The following NRG3 variants were observed in gnomAD, a reference collection of about 807,000 sequenced individuals.
NRG3 encodes the protein pro-neuregulin-3, membrane-bound isoform.
Under a neutral mutation model 66.9 loss-of-function variants are expected in NRG3, and 31 were observed. The ratio of observed to expected loss-of-function variants is 0.46; its 90% CI spans 0.35 to 0.63. The LOEUF is 0.63. NRG3 is among the 20% of genes least tolerant of loss of function. The pLI, the probability that NRG3 is intolerant of heterozygous loss-of-function variation, is 0.00. For synonymous variants in NRG3, 393 were observed against 359.4 expected, an observed-to-expected ratio of 1.09 and a Z score of -1.06; for missense variants, 910 against 878.9, an observed-to-expected ratio of 1.04 and a Z score of -0.45.
chr10:82,934,408 G>A (rs1462420491), intron 4 of NRG3, among the ~76,000 whole-genome samples: 1 of 152,170 alleles, frequency 6.6e-6, no homozygotes, highest in African/African-American at 2.4e-5. Context: ...ATCACCTTGT[G>A]GGTCATGTAT....
intron 2 of NRG3, among the ~76,000 whole-genome samples, chr10:82,446,701 G>A (rs2090747203): frequency 6.6e-6 from 1 of 152,126 alleles, no homozygotes; most frequent in Admixed American, 6.5e-5. Flanking sequence ...CTTAATTCCT[G>A]GGTGATGGGC....
intron 2 of NRG3, among the ~76,000 whole-genome samples, chr10:82,593,021 C>A (rs1045013648): frequency 1.1e-4 from 17 of 152,172 alleles, no homozygotes; most frequent in African/African-American, 3.9e-4. Flanking sequence ...ACAATCAAAT[C>A]TCAATTTCCT....
chr10:82,651,213 T>A (rs542996047), intron 2 of NRG3, among the ~76,000 whole-genome samples: 39 of 152,108 alleles, frequency 2.6e-4, no homozygotes, highest in African/African-American at 8.9e-4. Flanking sequence ...GTAGTGGGAG[T>A]CGAGAACAGG....
chr10:82,812,115 T>G (rs987806129), intron 3 of NRG3, among the ~76,000 whole-genome samples: 7 of 152,188 alleles, frequency 4.6e-5, no homozygotes, highest in African/African-American at 1.7e-4. Flanking sequence ...TTCTCAAATG[T>G]TAATATGTAT....
At chr10:82,470,099 G>A (rs1841104784) in intron 2 of NRG3, among the ~76,000 whole-genome samples, 1 of 152,154 alleles carries the variant, frequency 6.6e-6, no homozygotes. Flanking sequence ...TTTATAACCT[G>A]TTTCTGAGAT....
intron 1 of NRG3, among the ~76,000 whole-genome samples, chr10:82,006,686 A>G (rs1007950854): frequency 6.6e-6 from 1 of 151,956 alleles, no homozygotes; most frequent in Admixed American, 6.6e-5. Flanking sequence ...TGCACCATGT[A>G]TTGGATAGTC....
chr10:82,160,370 C>A (rs74144180), intron 1 of NRG3, among the ~76,000 whole-genome samples: 2,844 of 151,994 alleles, frequency 0.019, 88 homozygotes, highest in African/African-American at 0.064. Context: ...AAACAGCAAA[C>A]AGATTTTAAA....
intron 1 of NRG3, among the ~76,000 whole-genome samples, chr10:82,328,395 A>C (rs765489805): frequency 6.6e-6 from 1 of 152,348 alleles, no homozygotes; most frequent in Non-Finnish European, 1.5e-5. Flanking sequence ...ACACATGATA[A>C]TAGTACATAT....
chr10:82,630,796 T>A (rs552131199), intron 2 of NRG3, among the ~76,000 whole-genome samples: 1 of 152,340 alleles, frequency 6.6e-6, no homozygotes, highest in South Asian at 2.1e-4. Flanking sequence ...TTAATGGCTA[T>A]GTAATATTCC....
At chr10:81,935,940 A>G (rs892606541) in intron 1 of NRG3, among the ~76,000 whole-genome samples, 10 of 150,138 alleles carry the variant, frequency 6.7e-5, no homozygotes, top group Non-Finnish European at 1.5e-5. Context: ...CCTGTGTTAA[A>G]ATGGTTAAAA....
At chr10:82,931,931 A>AG (rs1847617055) in intron 4 of NRG3, among the ~76,000 whole-genome samples, 1 of 152,134 alleles carries the variant, frequency 6.6e-6, no homozygotes, top group South Asian at 2.1e-4. Flanking sequence ...AGCCTCTTTG[A>AG]GCTTTTGTTT....
intron 1 of NRG3, among the ~76,000 whole-genome samples, chr10:82,261,293 C>T (rs541516640): frequency 6.6e-4 from 100 of 152,312 alleles, no homozygotes; most frequent in African/African-American, 2.2e-3. Flanking sequence ...CTCCTGTCTC[C>T]TGCCACCATA....
intron 1 of NRG3, among the ~76,000 whole-genome samples, chr10:82,300,261 A>T (rs954804988): frequency 1.3e-5 from 2 of 152,202 alleles, no homozygotes; most frequent in African/African-American, 4.8e-5. Context: ...AAAATATAAA[A>T]TATGTTTGAG....
intron 2 of NRG3, among the ~76,000 whole-genome samples, chr10:82,581,542 G>C (rs1485917027): frequency 6.6e-6 from 1 of 152,004 alleles, no homozygotes; most frequent in Non-Finnish European, 1.5e-5. Context: ...ATAGAAAGTA[G>C]AATGATAGTT....
intron 1 of NRG3, among the ~76,000 whole-genome samples, chr10:82,160,525 A>G (rs2071508957): frequency 6.6e-6 from 1 of 151,682 alleles, no homozygotes; most frequent in East Asian, 1.9e-4. Context: ...TTTGTTTTTG[A>G]GACAGAGTCT....
rs182817018 is a variant in NRG3, at chr10:82,595,130, T to C, written c.954-143447T>C. On this transcript the variant is annotated intron_variant, in intron 2 of 8. Transcript: ENST00000372141. ...TCCACCATGCCCCACCCAATTTATT[T>C]CTCATGATTCCAAAGTTTATGCATA... 7.0e-4 allele frequency among the ~76,000 whole-genome samples: 107 copies of C among 152,232 alleles called. 1 individual carries two copies. Among genetic ancestry groups the C allele is most frequent in the African/African-American group, 2.5e-3 (103 of 41,548 alleles).
intron 2 of NRG3, among the ~76,000 whole-genome samples, chr10:82,703,659 C>T (rs1355101331): frequency 1.3e-5 from 2 of 152,164 alleles, no homozygotes; most frequent in Admixed American, 1.3e-4. Flanking sequence ...TACCAACACA[C>T]TTGCTACAAT....
chr10:82,900,227 C>T (rs1257311411), intron 4 of NRG3, among the ~76,000 whole-genome samples: 1 of 152,172 alleles, frequency 6.6e-6, no homozygotes. Flanking sequence ...GTCCAATCAC[C>T]TCCCACCAAG....
At chr10:82,238,780 A>C (rs1486770750) in intron 1 of NRG3, among the ~76,000 whole-genome samples, 1 of 151,656 alleles carries the variant, frequency 6.6e-6, no homozygotes, top group African/African-American at 2.4e-5. Flanking sequence ...ATAATCTATC[A>C]CTTCTCATTG....
Sources: allele counts gnomAD v4.1 joint callset (sites outside exome capture counted in the v4.1 genomes callset), GRCh38; gene constraint gnomAD v4.1.1; transcripts MANE v1.5; gene names NCBI Gene and HGNC (gene_info 2026-07-23, HGNC 2026-07-21).